Variants in PIEZO2 observed in about 807,000 individuals in gnomAD.
PIEZO2 encodes piezo-type mechanosensitive ion channel component 2.
A neutral mutation model predicts 337.3 loss-of-function variants in PIEZO2; 172 were observed. The ratio of observed to expected loss-of-function variants is 0.51; its 90% confidence interval spans 0.45 to 0.58. The LOEUF (loss-of-function observed/expected upper bound fraction) is 0.58, where lower values mean the gene tolerates loss of function less well. PIEZO2 is among the 20% of genes least tolerant of loss of function. The probability of loss-of-function intolerance (pLI) is 0.00; values close to 1 mark genes in which losing one functional copy is unlikely to be tolerated. For missense variants in PIEZO2, 3,028 were observed against 3,391.3 expected (o/e 0.89, Z 2.66); for synonymous variants, 1,251 against 1,228.5 (o/e 1.02, Z -0.38).
At position 10,675,303 on chromosome 18, in the gene PIEZO2, A is replaced by T. The variant is rs750168668; in HGVS notation, c.8082-15T>A. 7.8e-6 allele frequency: 11 copies of T among 1,407,698 alleles called. No homozygotes were observed. Among genetic ancestry groups the T allele is most frequent in the Non-Finnish European group, 1.1e-5 (11 of 1,047,022 alleles). 87.2% of individuals were successfully genotyped at this position (1,407,698 alleles called of 1,614,324 possible). On this transcript the variant is annotated splice_polypyrimidine_tract_variant and intron_variant, in intron 53 of 55. Transcript: ENST00000674853. ...TTTCTATGGTCCTGTACATTAAGAAAAAAAAGATACAATTACGTTTTAGTT... is the reference window on the plus strand; with the variant it reads ...TTTCTATGGTCCTGTACATTAAGAATAAAAAGATACAATTACGTTTTAGTT...
rs926158012 is a variant in PIEZO2, at chr18:10,872,179, A to G, written c.330-764T>C. On this transcript the variant is annotated intron_variant, in intron 4 of 55. Transcript: ENST00000674853. This position sits in a 1 kb window ranked among gnomAD's most constrained non-coding sequence, Gnocchi z 4.3. ...AAGTTCTTTGTAAAGAATGAAACAC[A>G]TATTTTCACTAAGCCTACATTTTGA... is the stretch of plus-strand genomic sequence containing the variant. Among the ~76,000 whole-genome samples, 1 of 152,260 alleles carries G rather than the reference A, an allele frequency of 6.6e-6. No homozygotes were observed. The highest frequency in any genetic ancestry group is 1.5e-5 in the Non-Finnish European group (1 of 68,046).
chr18:11,031,432 A>C lies in PIEZO2; in HGVS notation c.160+34695T>G, dbSNP rs1206709959. On this transcript the variant is annotated intron_variant, in intron 2 of 55. Coordinates refer to ENST00000674853, the MANE Select transcript of PIEZO2 (RefSeq NM_001378183.1). This position sits in a 1 kb window ranked among gnomAD's most constrained non-coding sequence, Gnocchi z 4.7. ...ATTCTTACATTTTATACCAGAAAAAAAAATTAGTGAACACTACTAGAGTGT... is the reference window on the plus strand; with the variant it reads ...ATTCTTACATTTTATACCAGAAAAACAAATTAGTGAACACTACTAGAGTGT... Among the ~76,000 whole-genome samples the C allele has an allele frequency of 6.6e-6, 1 of 152,182 alleles. No homozygotes were observed. Among genetic ancestry groups the C allele is most frequent in the Non-Finnish European group, 1.5e-5 (1 of 68,028 alleles).
At chr18:11,144,449 G>A (rs561893149) in intron 1 of PIEZO2, among the ~76,000 whole-genome samples, 2 of 152,218 alleles carry the variant, frequency 1.3e-5, no homozygotes, top group Non-Finnish European at 2.9e-5. Flanking sequence ...AATAGGGGAG[G>A]CCAATGCTGA....
rs758711342 is a variant in PIEZO2, at chr18:11,143,508, GTTT to G, written c.64+5014_64+5016del. Among the ~76,000 whole-genome samples the G allele has an allele frequency of 1.5e-4, 23 of 151,854 alleles. No homozygotes were observed. Among genetic ancestry groups the G allele is most frequent in the Admixed American group, 3.3e-4 (5 of 15,248 alleles). ...ACAATATGTAATTGTTCTAAATATT[GTTT>G]TTAAGTCCTATTAATCAGAAAAATG... On this transcript the variant is annotated intron_variant, in intron 1 of 55. Transcript: ENST00000674853. The surrounding 1 kb of genome is among the most constrained non-coding windows in gnomAD (Gnocchi z 4.9).
At chr18:10,804,791 C>T (rs1454133615) in intron 8 of PIEZO2, among the ~76,000 whole-genome samples, 2 of 152,138 alleles carry the variant, frequency 1.3e-5, no homozygotes, top group Non-Finnish European at 2.9e-5. Flanking sequence ...ATTTGGTGGC[C>T]GGTATTTTTC....
intron 3 of PIEZO2, among the ~76,000 whole-genome samples, chr18:10,935,112 CTATA>C (rs1263260655): frequency 6.6e-5 from 10 of 152,286 alleles, no homozygotes; most frequent in Admixed American, 2.0e-4. Context: ...TTCCATTAAA[CTATA>C]TAGATAGCTG....
In PIEZO2 at chr18:10,905,497, C is replaced by T. The variant is rs566245435; in HGVS notation, c.329+5689G>A. Among the ~76,000 whole-genome samples the T allele has an allele frequency of 3.9e-4, 59 of 151,766 alleles. 2 individuals carry two copies. Among genetic ancestry groups the T allele is most frequent in the African/African-American group, 1.3e-3 (54 of 41,400 alleles). ...ACTCAGGAGGCTGAGGCAGGAGAAC[C>T]GCTTGAACCCGGGAGGCAGAGGTTG... On this transcript the variant is annotated intron_variant, in intron 4 of 55. Transcript: ENST00000674853.
intron 39 of PIEZO2, among the ~76,000 whole-genome samples, chr18:10,714,075 T>C (rs147864820): frequency 6.6e-6 from 1 of 152,178 alleles, no homozygotes; most frequent in African/African-American, 2.4e-5. Flanking sequence ...CGCTTTTATA[T>C]ACATCCTAGC....
Position 10,773,602 on chromosome 18 carries a change from C to G in PIEZO2, c.2595G>C (p.Pro865=), listed in dbSNP as rs372274945. The G allele has an allele frequency of 6.5e-7, 1 of 1,537,132 alleles. No individual in the cohort carries two copies. The highest frequency in any genetic ancestry group is 1.4e-5 in the African/African-American group (1 of 73,016). Residue 865 remains proline (P), a synonymous_variant, in exon 20 of 56, where the codon CCG becomes CCC. Transcript: ENST00000674853. This position sits in a 1 kb window ranked among gnomAD's most constrained non-coding sequence, Gnocchi z 5.3. The stretch of plus-strand genomic sequence containing the variant: ...CAGTCAGATGCATCATGGTGAGGTC[C>G]GGGAGGCTTCCTTCCGGGTGGGCCA... The part of the protein sequence containing the change: ...NELAHPEGSL[P]DLTMMHLTAS...
Position 11,002,751 on chromosome 18 carries a change from A to G in PIEZO2, c.161-23091T>C, listed in dbSNP as rs377449101. Among the ~76,000 whole-genome samples, 3 of 152,220 alleles carry G rather than the reference A, an allele frequency of 2.0e-5. No homozygotes were observed. In the East Asian group the frequency reaches 5.8e-4, roughly 29 times the overall value. Reference sequence around the variant, plus strand: ...ACACAGAACCCTGTGTAAGCACACAATTCCCTGCTAAAGTCTGAAAAGCTG... The same window carrying G: ...ACACAGAACCCTGTGTAAGCACACAGTTCCCTGCTAAAGTCTGAAAAGCTG... On this transcript the variant is annotated intron_variant, in intron 2 of 55. Transcript: ENST00000674853. This position sits in a 1 kb window ranked among gnomAD's most constrained non-coding sequence, Gnocchi z 4.3.
At chr18:10,933,866 G>C (rs2032226146) in intron 3 of PIEZO2, among the ~76,000 whole-genome samples, 1 of 152,218 alleles carries the variant, frequency 6.6e-6, no homozygotes, top group African/African-American at 2.4e-5. Context: ...TTTTACAAAG[G>C]GGAGTTCCCC....
In PIEZO2 at chr18:11,073,049, C is replaced by T. The variant is rs150687816; in HGVS notation, c.65-6827G>A. Among the ~76,000 whole-genome samples, 1,332 of 152,286 alleles carry T rather than the reference C, an allele frequency of 8.7e-3. 13 individuals carry two copies. Among genetic ancestry groups the T allele is most frequent in the African/African-American group, 0.03 (1,262 of 41,542 alleles). On this transcript the variant is annotated intron_variant, in intron 1 of 55. Coordinates refer to ENST00000674853, the MANE Select transcript of PIEZO2 (RefSeq NM_001378183.1). ...TGTAAGGCTTTATATTATTTGCAAT[C>T]AAAATACATATATTAAGGAAGATTT...
At position 10,855,682 on chromosome 18, in the gene PIEZO2, A is replaced by G; in HGVS notation, c.704-116T>C. 1.2e-6 allele frequency: 1 copy of G among 816,456 alleles called. No individual in the cohort carries two copies. The allele number at this position is 816,456 out of a possible 1,614,324, so 50.6% of individuals were successfully genotyped here. A position where few individuals can be genotyped will look rare whatever the true frequency, so the allele number is the denominator to read the frequency against. Reference sequence around the variant, plus strand: ...TCCTTCAAGTGTTTTTAGGTTTTTTAAAATAGTAATTTTTAAAAATCATGT... The same window carrying G: ...TCCTTCAAGTGTTTTTAGGTTTTTTGAAATAGTAATTTTTAAAAATCATGT... On this transcript the variant is annotated intron_variant, in intron 6 of 55. Coordinates refer to ENST00000674853, the MANE Select transcript of PIEZO2 (RefSeq NM_001378183.1). This position sits in a 1 kb window ranked among gnomAD's most constrained non-coding sequence, Gnocchi z 4.9.
Position 11,078,375 on chromosome 18 carries a change from C to T in PIEZO2, c.65-12153G>A, listed in dbSNP as rs1310426380. Among the ~76,000 whole-genome samples the T allele has an allele frequency of 5.9e-5, 9 of 152,142 alleles. No homozygotes were observed. Among genetic ancestry groups the T allele is most frequent in the South Asian group, 2.1e-4 (1 of 4,828 alleles). On this transcript the variant is annotated intron_variant, in intron 1 of 55. Coordinates refer to ENST00000674853, the MANE Select transcript of PIEZO2 (RefSeq NM_001378183.1). This position sits in a 1 kb window ranked among gnomAD's most constrained non-coding sequence, Gnocchi z 5.3. Reference sequence around the variant, plus strand: ...CCTTGGACTGAGGTGTGCATTAACACGAAAAGAAATCAATTCAACTAACTA... The same window carrying T: ...CCTTGGACTGAGGTGTGCATTAACATGAAAAGAAATCAATTCAACTAACTA...
At chr18:11,085,686 C>T (rs948225713) in intron 1 of PIEZO2, among the ~76,000 whole-genome samples, 1 of 152,114 alleles carries the variant, frequency 6.6e-6, no homozygotes, top group East Asian at 1.9e-4. Context: ...GTCCCCTTCT[C>T]CCTTATCTAT....
intron 2 of PIEZO2, among the ~76,000 whole-genome samples, chr18:10,992,209 T>C (rs972536044): frequency 6.6e-6 from 1 of 152,238 alleles, no homozygotes; most frequent in Non-Finnish European, 1.5e-5. Flanking sequence ...TAGTTTCTTG[T>C]GCTGTGCAGG....
intron 5 of PIEZO2, among the ~76,000 whole-genome samples, chr18:10,858,735 G>A (rs2041794755): frequency 6.6e-6 from 1 of 152,112 alleles, no homozygotes. Flanking sequence ...TGTGTGCCCA[G>A]AAGGGTGCAC....
intron 2 of PIEZO2, among the ~76,000 whole-genome samples, chr18:11,037,169 GT>G (rs1274219571): frequency 6.6e-6 from 1 of 152,158 alleles, no homozygotes; most frequent in African/African-American, 2.4e-5. Flanking sequence ...GTTTCACCAT[GT>G]CGGCCAGTCA....
At chr18:11,000,656 C>A (rs1568282344) in intron 2 of PIEZO2, among the ~76,000 whole-genome samples, 1 of 152,214 alleles carries the variant, frequency 6.6e-6, no homozygotes, top group Non-Finnish European at 1.5e-5. Flanking sequence ...CTGACTCCTA[C>A]ACCGCATGCT....
Sources: allele counts gnomAD v4.1 joint callset (sites outside exome capture counted in the v4.1 genomes callset), GRCh38; gene constraint gnomAD v4.1.1; non-coding constraint Gnocchi (gnomAD v3.1); transcripts MANE v1.5; gene names NCBI Gene and HGNC (gene_info 2026-07-23, HGNC 2026-07-21).